The following RNLS variants were observed in gnomAD, a reference collection of about 807,000 sequenced individuals.
RNLS encodes the protein renalase, FAD dependent amine oxidase.
In RNLS, 39 loss-of-function variants were observed where a neutral mutation model predicts 39.8. That is an observed-to-expected ratio of 0.98 (90% CI 0.76 to 1.28). RNLS has a LOEUF of 1.28. Ranked by LOEUF, RNLS falls within the 50% of genes most tolerant of loss-of-function variation. The pLI is 0.00. For missense variants in RNLS, 410 were observed against 413.3 expected (o/e 0.99, Z 0.07); for synonymous variants, 147 against 150.7 (o/e 0.98, Z 0.18).
chr10:88,553,820 T>C (rs867342023), intron 4 of RNLS, among the ~76,000 whole-genome samples: 13 of 152,156 alleles, frequency 8.5e-5, no homozygotes, highest in African/African-American at 2.2e-4. Flanking sequence ...GTCTAAAAAC[T>C]AGAAAAACAT....
chr10:88,376,449 G>A (rs912230217), intron 4 of RNLS, among the ~76,000 whole-genome samples: 4 of 152,096 alleles, frequency 2.6e-5, no homozygotes, highest in African/African-American at 7.2e-5. Context: ...AGTCAATGTC[G>A]CTTTGAGAAA....
At chr10:88,548,379 C>T (rs1282601966) in intron 4 of RNLS, among the ~76,000 whole-genome samples, 2 of 148,536 alleles carry the variant, frequency 1.3e-5, no homozygotes, top group East Asian at 3.9e-4. Flanking sequence ...ATACAGTTTT[C>T]CTGTAATCCC....
intron 4 of RNLS, among the ~76,000 whole-genome samples, chr10:88,477,005 T>C (rs929884591): frequency 1.3e-5 from 2 of 152,170 alleles, no homozygotes; most frequent in African/African-American, 2.4e-5. Flanking sequence ...AAAGCGATAA[T>C]AGTGTGGCCT....
At chr10:88,534,673 G>T (rs561902098) in intron 4 of RNLS, among the ~76,000 whole-genome samples, 7 of 152,194 alleles carry the variant, frequency 4.6e-5, no homozygotes, top group African/African-American at 1.4e-4. Context: ...TAACAGTATA[G>T]TTCCTGGACT....
At chr10:88,248,623 T>C in the RNLS span, among the ~76,000 whole-genome samples, 1 of 152,214 alleles carries the variant, frequency 6.6e-6, no homozygotes, top group Non-Finnish European at 1.5e-5. Flanking sequence ...TTCCAAGTTC[T>C]GGGCAAAAAT....
At chr10:88,541,650 G>A (rs1413325766) in intron 4 of RNLS, among the ~76,000 whole-genome samples, 5 of 152,130 alleles carry the variant, frequency 3.3e-5, no homozygotes, top group African/African-American at 4.8e-5. Context: ...GAAAATAATC[G>A]TAACTTCTTT....
intron 4 of RNLS, among the ~76,000 whole-genome samples, chr10:88,566,802 A>C (rs1308213343): frequency 6.6e-6 from 1 of 152,192 alleles, no homozygotes; most frequent in Non-Finnish European, 1.5e-5. Flanking sequence ...TAAATCTTCC[A>C]ATAAGTATTA....
At chr10:88,486,936 C>T (rs1450011617) in intron 4 of RNLS, among the ~76,000 whole-genome samples, 1 of 119,866 alleles carries the variant, frequency 8.3e-6, no homozygotes, top group East Asian at 2.6e-4. Context: ...GCACTATTCA[C>T]AATAGTAAAA....
At chr10:88,555,803 T>C (rs1407142867) in intron 4 of RNLS, among the ~76,000 whole-genome samples, 1 of 152,090 alleles carries the variant, frequency 6.6e-6, no homozygotes, top group Non-Finnish European at 1.5e-5. Flanking sequence ...AACATACATG[T>C]TTGGTTTTCC....
intron 5 of RNLS, among the ~76,000 whole-genome samples, chr10:88,354,458 A>T (rs1848985083): frequency 6.6e-6 from 1 of 152,066 alleles, no homozygotes; most frequent in Non-Finnish European, 1.5e-5. Context: ...AAGGATTTTA[A>T]TTCTCTTTCA....
intron 4 of RNLS, among the ~76,000 whole-genome samples, chr10:88,387,539 T>C (rs1321515412): frequency 1.3e-5 from 2 of 148,740 alleles, no homozygotes; most frequent in Non-Finnish European, 3.0e-5. Context: ...GATTATTTGT[T>C]ACAGTGGTGG....
At chr10:88,327,375 A>G (rs1846698712) in intron 5 of RNLS, among the ~76,000 whole-genome samples, 1 of 152,052 alleles carries the variant, frequency 6.6e-6, no homozygotes, top group African/African-American at 2.4e-5. Context: ...TTTCCCCTAC[A>G]CTGTTTTTGT....
At chr10:88,318,352 T>C (rs944988076) in intron 5 of RNLS, among the ~76,000 whole-genome samples, 6 of 152,144 alleles carry the variant, frequency 3.9e-5, no homozygotes, top group African/African-American at 1.2e-4. Context: ...GTGGCACCAA[T>C]CGGTGAAGGG....
chr10:88,517,598 C>T (rs1466408227), intron 4 of RNLS, among the ~76,000 whole-genome samples: 3 of 151,786 alleles, frequency 2.0e-5, no homozygotes, highest in Admixed American at 2.0e-4. Flanking sequence ...AAAGTGACTT[C>T]CATGAGCCAT....
At chr10:88,320,041 A>G (rs1050542790) in intron 5 of RNLS, among the ~76,000 whole-genome samples, 1 of 152,090 alleles carries the variant, frequency 6.6e-6, no homozygotes, top group African/African-American at 2.4e-5. Context: ...GGCACCTGAA[A>G]AAAAGGGATA....
chr10:88,389,225 G>A (rs987371675), intron 4 of RNLS, among the ~76,000 whole-genome samples: 10 of 152,136 alleles, frequency 6.6e-5, no homozygotes, highest in African/African-American at 1.7e-4. Flanking sequence ...AGGAAATTAC[G>A]ATATTGGTTT....
At chr10:88,568,145 C>T (rs1849619602) in intron 4 of RNLS, among the ~76,000 whole-genome samples, 1 of 152,044 alleles carries the variant, frequency 6.6e-6, no homozygotes, top group Non-Finnish European at 1.5e-5. Context: ...CAAAACAGAG[C>T]CACAAAAAAG....
At chr10:88,405,973 C>A (rs1853236988) in intron 4 of RNLS, among the ~76,000 whole-genome samples, 1 of 152,024 alleles carries the variant, frequency 6.6e-6, no homozygotes, top group African/African-American at 2.4e-5. Context: ...ATCTTTCCTT[C>A]ATATATGATG....
chr10:88,232,733 A>C, the RNLS span, among the ~76,000 whole-genome samples: 1 of 152,234 alleles, frequency 6.6e-6, no homozygotes, highest in South Asian at 2.1e-4. Context: ...TAGTGACAGC[A>C]GTGGAGCCAT....
Sources: allele counts gnomAD v4.1 joint callset (sites outside exome capture counted in the v4.1 genomes callset), GRCh38; gene constraint gnomAD v4.1.1; transcripts MANE v1.5; gene names NCBI Gene and HGNC (gene_info 2026-07-23, HGNC 2026-07-21).